Variants in CCDC102B observed in about 807,000 individuals in gnomAD.
CCDC102B encodes the protein coiled-coil domain containing 102B.
Under a neutral mutation model 57.4 loss-of-function variants are expected in CCDC102B, and 75 were observed. That is an observed-to-expected ratio of 1.31 (90% CI 1.08 to 1.58). CCDC102B has a LOEUF of 1.58. Among genes scored for constraint, CCDC102B ranks in the 40% most tolerant of loss-of-function variants. CCDC102B has a pLI of 0.00. For missense variants in CCDC102B, 636 were observed against 582.6 expected (o/e 1.09, Z -0.94); for synonymous variants, 206 against 201.9 (o/e 1.02, Z -0.17).
At chr18:68,734,512 G>A (rs2033039631) in intron 2 of CCDC102B, among the ~76,000 whole-genome samples, 1 of 152,122 alleles carries the variant, frequency 6.6e-6, no homozygotes, top group African/African-American at 2.4e-5. Flanking sequence ...TGCGTCGTGT[G>A]TATTTAAACC....
In CCDC102B at chr18:68,811,883, A is replaced by T. The variant is rs564271548; in HGVS notation, c.-16+13702A>T. ...TAATGTCTGAAGCCAGAAGAGACAAATATTGGGCTGAGGTAGGATTTAATA... is the reference window on the plus strand; with the variant it reads ...TAATGTCTGAAGCCAGAAGAGACAATTATTGGGCTGAGGTAGGATTTAATA... On this transcript the variant is annotated intron_variant, in intron 1 of 7. Transcript: ENST00000360242. 1.3e-4 allele frequency among the ~76,000 whole-genome samples: 20 copies of T among 152,298 alleles called. No individual in the cohort carries two copies. The South Asian group carries it at 4.1e-3, about 32-fold the overall frequency.
intron 6 of CCDC102B, among the ~76,000 whole-genome samples, chr18:68,918,455 A>G (rs898438152): frequency 1.3e-5 from 2 of 152,200 alleles, no homozygotes; most frequent in African/African-American, 4.8e-5. Flanking sequence ...ACATTTAGTG[A>G]CCACGTATAC....
chr18:68,770,704 C>T (rs181204412), intron 2 of CCDC102B, among the ~76,000 whole-genome samples: 8 of 152,318 alleles, frequency 5.3e-5, no homozygotes, highest in African/African-American at 1.4e-4. Flanking sequence ...TTCCTGTGTA[C>T]ATTGTTTTTA....
chr18:68,782,048 G>A (rs918771121), intron 2 of CCDC102B, among the ~76,000 whole-genome samples: 1 of 151,984 alleles, frequency 6.6e-6, no homozygotes, highest in Non-Finnish European at 1.5e-5. Context: ...TCAGTGAATA[G>A]GAATGCAATT....
chr18:68,756,053 C>T (rs989409408), intron 2 of CCDC102B, among the ~76,000 whole-genome samples: 13 of 151,234 alleles, frequency 8.6e-5, no homozygotes, highest in Admixed American at 2.6e-4. Context: ...GAGATAAATA[C>T]AAATTTTAAA....
chr18:68,766,049 A>T (rs1011000465), intron 2 of CCDC102B, among the ~76,000 whole-genome samples: 6 of 152,200 alleles, frequency 3.9e-5, no homozygotes, highest in African/African-American at 1.4e-4. Context: ...GGAGATAAGA[A>T]TTAACCATAG....
intron 1 of CCDC102B, among the ~76,000 whole-genome samples, chr18:68,804,262 CTG>C (rs1249441205): frequency 2.6e-5 from 4 of 152,110 alleles, no homozygotes; most frequent in African/African-American, 9.7e-5. Flanking sequence ...ACAGGGAACA[CTG>C]TGGAGGAGCA....
In CCDC102B at chr18:68,936,207, TAA is replaced by T. The variant is rs60766380; in HGVS notation, c.1263+38790_1263+38791del. On this transcript the variant is annotated intron_variant, in intron 6 of 7. Coordinates refer to ENST00000360242, the MANE Select transcript of CCDC102B (RefSeq NM_024781.3). ...TATCTCATTGGCAAATATGCCAAAA[TAA>T]AAAAAAAAAATCCAAAATCTGAAAT... 8.8e-5 allele frequency among the ~76,000 whole-genome samples: 13 copies of T among 147,678 alleles called. No individual in the cohort carries two copies. The South Asian group carries it at 1.5e-3, about 17-fold the overall frequency.
chr18:68,741,713 A>ACACACACACACACACACACACACACC (rs1393809459), intron 2 of CCDC102B, among the ~76,000 whole-genome samples: 1 of 97,650 alleles, frequency 1.0e-5, no homozygotes, highest in African/African-American at 4.3e-5. Context: ...ACACACACAC[A>ACACACACACACACACACACACACACC]CCCCAAGACA....
chr18:68,805,365 A>T (rs1451569910), intron 1 of CCDC102B, among the ~76,000 whole-genome samples: 1 of 152,202 alleles, frequency 6.6e-6, no homozygotes. Context: ...AAGTGAGACC[A>T]GATAGCAATG....
intron 7 of CCDC102B, among the ~76,000 whole-genome samples, chr18:69,051,085 A>G (rs1216645907): frequency 6.6e-6 from 1 of 152,090 alleles, no homozygotes; most frequent in Non-Finnish European, 1.5e-5. Flanking sequence ...GGGTCCCACT[A>G]CATTGTCCAG....
rs535361095 is a variant in CCDC102B, at chr18:68,863,327, T to C, written c.937-11342T>C. ...GCTATTTTACTCTATCCTCTGTGTC[T>C]CCTACAAAATGAAAGTCGGATTTAA... On this transcript the variant is annotated intron_variant, in intron 4 of 7. Coordinates refer to ENST00000360242, the MANE Select transcript of CCDC102B (RefSeq NM_024781.3). 3.9e-5 allele frequency among the ~76,000 whole-genome samples: 6 copies of C among 152,064 alleles called. No individual in the cohort carries two copies. The South Asian group carries it at 1.2e-3, about 32-fold the overall frequency.
At chr18:68,901,245 G>C (rs1217323674) in intron 6 of CCDC102B, among the ~76,000 whole-genome samples, 2 of 152,114 alleles carry the variant, frequency 1.3e-5, no homozygotes, top group African/African-American at 4.8e-5. Flanking sequence ...TTCTAGACTA[G>C]GGATGGACAA....
At chr18:68,998,995 TATATAG>T (rs1200836411) in intron 6 of CCDC102B, among the ~76,000 whole-genome samples, 471 of 42,438 alleles carry the variant, frequency 0.011, no homozygotes, top group East Asian at 0.045. Context: ...TATATATATA[TATATAG>T]AGAGAGAGAG....
chr18:68,798,973 A>C (rs72958049), intron 1 of CCDC102B, among the ~76,000 whole-genome samples: 20,229 of 152,044 alleles, frequency 0.13, 1,529 homozygotes, highest in East Asian at 0.3. Flanking sequence ...TGTCAGTAAC[A>C]TAGGACCAAA....
At chr18:68,961,028 T>C (rs1037360356) in intron 6 of CCDC102B, among the ~76,000 whole-genome samples, 31 of 152,190 alleles carry the variant, frequency 2.0e-4, no homozygotes, top group African/African-American at 6.8e-4. Flanking sequence ...TGGCTTCTTA[T>C]ATAAGTAATT....
intron 6 of CCDC102B, among the ~76,000 whole-genome samples, chr18:68,991,794 A>G (rs1399308720): frequency 6.6e-6 from 1 of 152,210 alleles, no homozygotes; most frequent in Non-Finnish European, 1.5e-5. Context: ...TCCTACTGTT[A>G]TATAATTTTA....
intron 6 of CCDC102B, among the ~76,000 whole-genome samples, chr18:68,993,714 A>G (rs1009710619): frequency 6.6e-6 from 1 of 152,186 alleles, no homozygotes; most frequent in Non-Finnish European, 1.5e-5. Context: ...TTATTTATCA[A>G]TTCTCCCTTG....
chr18:68,746,740 T>A (rs917007635), intron 2 of CCDC102B, among the ~76,000 whole-genome samples: 47 of 151,838 alleles, frequency 3.1e-4, no homozygotes, highest in African/African-American at 1.0e-3. Flanking sequence ...ATCTTTTTTT[T>A]TTAAAAAATG....
Sources: gnomAD v4.1 joint callset for allele counts (sites outside exome capture counted in the v4.1 genomes callset) on GRCh38, gnomAD v4.1.1 for gene constraint, MANE v1.5 for transcripts, NCBI Gene and HGNC (gene_info 2026-07-23, HGNC 2026-07-21) for gene names.